The following ATXN1 variants were observed in gnomAD, a reference collection of about 807,000 sequenced individuals.
ATXN1 encodes ataxin-1.
ATXN1 carries 8 observed loss-of-function variants against 56.4 expected under a neutral mutation model. The ratio of observed to expected loss-of-function variants is 0.14; its 90% CI spans 0.08 to 0.26. The LOEUF (loss-of-function observed/expected upper bound fraction) is 0.26, where lower values mean the gene tolerates loss of function less well. ATXN1 is among the 10% of genes least tolerant of loss of function. The pLI, the probability that ATXN1 is intolerant of heterozygous loss-of-function variation, is 1.00. For synonymous variants in ATXN1, 514 were observed against 494.6 expected, an observed-to-expected ratio of 1.04 and a Z score of -0.52; for missense variants, 987 against 1,106.5, an observed-to-expected ratio of 0.89 and a Z score of 1.53.
intron 6 of ATXN1, among the ~76,000 whole-genome samples, chr6:16,435,126 C>T (rs1759362888): frequency 1.3e-5 from 2 of 152,104 alleles, no homozygotes; most frequent in African/African-American, 2.4e-5. Context: ...ATGCCAATGG[C>T]TGAGATGGGG....
chr6:16,362,845 T>C (rs1350860999), intron 6 of ATXN1, among the ~76,000 whole-genome samples: 1 of 152,218 alleles, frequency 6.6e-6, no homozygotes, highest in East Asian at 1.9e-4. Flanking sequence ...GCCTACTACA[T>C]ATTAGTGATG....
At chr6:16,484,386 A>G (rs755695648) in intron 6 of ATXN1, among the ~76,000 whole-genome samples, 5 of 152,200 alleles carry the variant, frequency 3.3e-5, no homozygotes, top group Non-Finnish European at 7.3e-5. Flanking sequence ...GTGAATCGAG[A>G]TCTTGCCATT....
At chr6:16,459,283 G>A (rs1436180954) in intron 6 of ATXN1, among the ~76,000 whole-genome samples, 1 of 152,112 alleles carries the variant, frequency 6.6e-6, no homozygotes, top group East Asian at 1.9e-4. Context: ...AATTCGGAAA[G>A]GCAAAAAATG....
At chr6:16,311,791 T>C (rs983295322) in intron 7 of ATXN1, among the ~76,000 whole-genome samples, 1 of 152,202 alleles carries the variant, frequency 6.6e-6, no homozygotes, top group African/African-American at 2.4e-5. Context: ...CAAGTGGAGA[T>C]TGTTTTGCTG....
chr6:16,638,754 T>C (rs1763647095), intron 3 of ATXN1, among the ~76,000 whole-genome samples: 1 of 152,248 alleles, frequency 6.6e-6, no homozygotes, highest in Non-Finnish European at 1.5e-5. Flanking sequence ...AGCTGTTAAA[T>C]GAATTCCAAT....
At chr6:16,419,359 C>T (rs534231392) in intron 6 of ATXN1, among the ~76,000 whole-genome samples, 1 of 152,194 alleles carries the variant, frequency 6.6e-6, no homozygotes, top group South Asian at 2.1e-4. Context: ...TAATTAATAG[C>T]CAATCCTATT....
intron 3 of ATXN1, among the ~76,000 whole-genome samples, chr6:16,639,781 A>G (rs1179388703): frequency 6.6e-6 from 1 of 152,262 alleles, no homozygotes; most frequent in Non-Finnish European, 1.5e-5. Flanking sequence ...TAGAAGAATT[A>G]TGTTCACCTC....
chr6:16,671,644 A>G (rs1340995986), intron 2 of ATXN1, among the ~76,000 whole-genome samples: 1 of 152,234 alleles, frequency 6.6e-6, no homozygotes, highest in Non-Finnish European at 1.5e-5. Flanking sequence ...TAACATTCCC[A>G]AGAGTCATTA....
intron 4 of ATXN1, among the ~76,000 whole-genome samples, chr6:16,529,145 C>T (rs1212242744): frequency 6.7e-6 from 1 of 148,870 alleles, no homozygotes; most frequent in East Asian, 2.0e-4. Flanking sequence ...TGCCACTGCA[C>T]TCCAGCCTGG....
chr6:16,708,645 G>T (rs1017742506), intron 2 of ATXN1, among the ~76,000 whole-genome samples: 5 of 152,056 alleles, frequency 3.3e-5, no homozygotes, highest in Non-Finnish European at 4.4e-5. Flanking sequence ...ATTAAAGGGT[G>T]TACTTATTAG....
At chr6:16,579,492 C>CCA (rs1561764546) in intron 4 of ATXN1, among the ~76,000 whole-genome samples, 2 of 42,490 alleles carry the variant, frequency 4.7e-5, no homozygotes, top group African/African-American at 2.2e-4. Context: ...CCCCCCCCCC[C>CCA]ACCCGCCGAT....
chr6:16,331,676 A>G (rs1760996928), intron 6 of ATXN1, among the ~76,000 whole-genome samples: 1 of 152,270 alleles, frequency 6.6e-6, no homozygotes, highest in South Asian at 2.1e-4. Flanking sequence ...AAGAAAAAGC[A>G]GCGGCATAAA....
intron 7 of ATXN1, among the ~76,000 whole-genome samples, chr6:16,321,218 C>T (rs138271652): frequency 3.9e-5 from 6 of 152,372 alleles, no homozygotes; most frequent in African/African-American, 1.4e-4. Context: ...TTTTGAGTTG[C>T]ATTGGCTCCC....
intron 2 of ATXN1, among the ~76,000 whole-genome samples, chr6:16,734,572 A>T (rs957152571): frequency 5.9e-5 from 9 of 152,154 alleles, no homozygotes; most frequent in African/African-American, 2.2e-4. Context: ...TAGTGGTGCA[A>T]TCTCAGCTCA....
At chr6:16,752,419 T>C (rs970640559) in intron 2 of ATXN1, among the ~76,000 whole-genome samples, 2 of 152,102 alleles carry the variant, frequency 1.3e-5, no homozygotes, top group Non-Finnish European at 2.9e-5. Flanking sequence ...CCAAATTCTA[T>C]TTTTTTAAGC....
intron 2 of ATXN1, 90 bp downstream of exon 2, chr6:16,753,143 A>G (rs1760775438): frequency 3.8e-6 from 1 of 264,874 alleles, no homozygotes; most frequent in East Asian, 4.7e-4. Flanking sequence ...TTCAACAGCC[A>G]ACAAAGTAAG....
chr6:16,509,986 A>G (rs1243032080), intron 5 of ATXN1, among the ~76,000 whole-genome samples: 1 of 151,782 alleles, frequency 6.6e-6, no homozygotes, highest in Admixed American at 6.6e-5. Context: ...GCAAACTAAA[A>G]TCCCATTCCC....
intron 6 of ATXN1, among the ~76,000 whole-genome samples, chr6:16,417,359 T>C (rs1328851919): frequency 1.3e-5 from 2 of 152,102 alleles, no homozygotes; most frequent in Non-Finnish European, 2.9e-5. Flanking sequence ...TTCCAAGTTA[T>C]GGCTTTTAAT....
intron 2 of ATXN1, among the ~76,000 whole-genome samples, chr6:16,720,366 A>G (rs896524480): frequency 1.3e-5 from 2 of 152,244 alleles, no homozygotes; most frequent in Admixed American, 6.5e-5. Flanking sequence ...CTCCACTATG[A>G]GAACATAAGC....
Sources: gnomAD v4.1 joint callset for allele counts (sites outside exome capture counted in the v4.1 genomes callset) on GRCh38, gnomAD v4.1.1 for gene constraint, MANE v1.5 for transcripts, NCBI Gene and HGNC (gene_info 2026-07-23, HGNC 2026-07-21) for gene names.